The following EPHA8 variants were observed in gnomAD, a reference collection of about 807,000 sequenced individuals.
EPHA8 encodes EPH receptor A8, also known as ephrin type-A receptor 8.
Under a neutral mutation model 103.6 loss-of-function variants are expected in EPHA8, and 58 were observed. That is an observed-to-expected ratio of 0.56 (90% confidence interval 0.45 to 0.70). The LOEUF (loss-of-function observed/expected upper bound fraction) is 0.70, where lower values mean the gene tolerates loss of function less well. Ranked by LOEUF, EPHA8 falls within the 30% of genes least tolerant of loss-of-function variation. The pLI is 0.00. For missense variants in EPHA8, 1,304 were observed against 1,395.2 expected, an observed-to-expected ratio of 0.93 and a Z score of 1.04; for synonymous variants, 559 against 572.5, an observed-to-expected ratio of 0.98 and a Z score of 0.34.
intron 1 of EPHA8, among the ~76,000 whole-genome samples, chr1:22,564,968 GCACA>G (rs1399892649): frequency 2.0e-5 from 3 of 152,038 alleles, no homozygotes; most frequent in Non-Finnish European, 4.4e-5. Context: ...CTACACACAA[GCACA>G]CACACAGGCT....
rs760332050 is a variant in EPHA8 at position 22,600,710 on chromosome 1, G to T, written c.2438G>T (p.Arg813Leu). 1 of 1,613,624 alleles carries T rather than the reference G, an allele frequency of 6.2e-7. No individual in the cohort carries two copies. Among genetic ancestry groups the T allele is most frequent in the Middle Eastern group, 1.7e-4 (1 of 6,054 alleles). ...RWTAPEAIAFRTFSSASDVWS... is the reference protein window; with the variant it reads ...RWTAPEAIAFLTFSSASDVWS... ...ACGGCCCCAGAGGCCATCGCCTTCC[G>T]CACCTTCTCCTCGGCCAGCGACGTG... Residue 813 changes from arginine (R) to leucine (L), a missense_variant, in exon 14 of 17, where the codon CGC (arginine) becomes CTC (leucine). Physicochemically the swap from Arg to Leu is moderately radical, Grantham distance 102. Transcript: ENST00000166244.
intron 3 of EPHA8, among the ~76,000 whole-genome samples, chr1:22,579,407 A>C (rs1009115308): frequency 2.1e-5 from 3 of 139,614 alleles, no homozygotes; most frequent in Admixed American, 2.1e-4. Context: ...TGTGTTCATG[A>C]GTGTATGTAT....
chr1:22,563,959 G>A lies in EPHA8; in HGVS notation c.94+230G>A, dbSNP rs985123667. On this transcript the variant is annotated intron_variant, in intron 1 of 16. Transcript: ENST00000166244. The surrounding 1 kb of genome is among the most constrained non-coding windows in gnomAD (Gnocchi z 4.4). ...GACGGACAGGTACCGGGGACTGGGG[G>A]ACAGTGGGAAAGGACAGGAGACAGG... Among the ~76,000 whole-genome samples the A allele has an allele frequency of 4.6e-5, 7 of 152,044 alleles. No individual in the cohort carries two copies. The highest frequency in any genetic ancestry group is 1.7e-4 in the African/African-American group (7 of 41,432).
chr1:22,600,549 GTCCC>G, intron 13 of EPHA8, 108 bp from the exon 14 acceptor site: 5 of 1,414,762 alleles, frequency 3.5e-6, no homozygotes, highest in Non-Finnish European at 4.8e-6. Context: ...GGGCTGTGTT[GTCCC>G]TCTGGACTGG....
In EPHA8 at chr1:22,593,744, CG is replaced by C. The variant is rs557062611; in HGVS notation, c.1603+64del. On this transcript the variant is annotated intron_variant, in intron 7 of 16. Coordinates refer to ENST00000166244, the MANE Select transcript of EPHA8 (RefSeq NM_020526.5). ...AGCCCAGGTGCCAGGACCCTGGGGT[CG>C]GGGGGTGGCCGAGGAGAGAGCTAGT... is the stretch of plus-strand genomic sequence containing the variant. The C allele has an allele frequency of 5.7e-5, 83 of 1,466,316 alleles. No individual in the cohort carries two copies. The East Asian group carries it at 1.7e-3, about 30-fold the overall frequency. The allele number at this position is 1,466,316 out of a possible 1,614,324, so 90.8% of individuals were successfully genotyped here.
In EPHA8 at chr1:22,603,520, G is replaced by C. The variant is rs1365191220; in HGVS notation, c.*1779G>C. 6.6e-6 allele frequency: 1 copy of C among 152,290 alleles called. No individual in the cohort carries two copies. The highest frequency in any genetic ancestry group is 1.5e-5 in the Non-Finnish European group (1 of 68,020). 9.4% of individuals were successfully genotyped at this position (152,290 alleles called of 1,614,324 possible). Reference sequence around the variant, plus strand: ...GTGTGTGGTCCCTCTCAGGGTCCTGGGGATCTGCCTCTCTGTGGTCTCCAT... The same window carrying C: ...GTGTGTGGTCCCTCTCAGGGTCCTGCGGATCTGCCTCTCTGTGGTCTCCAT... On this transcript the variant is annotated 3_prime_UTR_variant, in exon 17 of 17. Transcript: ENST00000166244.
chr1:22,598,302 C>T lies in EPHA8; in HGVS notation c.2178+90C>T. 7.4e-7 allele frequency: 1 copy of T among 1,349,926 alleles called. No homozygotes were observed. The highest frequency in any genetic ancestry group is 1.0e-6 in the Non-Finnish European group (1 of 969,028). The allele number at this position is 1,349,926 out of a possible 1,614,324, so 83.6% of individuals were successfully genotyped here. A position where few individuals can be genotyped will look rare whatever the true frequency, so the allele number is the denominator to read the frequency against. On this transcript the variant is annotated intron_variant, in intron 12 of 16. Coordinates refer to ENST00000166244, the MANE Select transcript of EPHA8 (RefSeq NM_020526.5). This position sits in a 1 kb window ranked among gnomAD's most constrained non-coding sequence, Gnocchi z 5.1. Reference sequence around the variant, plus strand: ...GATAGTGCAAAGCCCTCTAAGCCCCCTCCCTGGCTTGGACACCACAGGCCG... The same window carrying T: ...GATAGTGCAAAGCCCTCTAAGCCCCTTCCCTGGCTTGGACACCACAGGCCG...
rs1208226682 is a variant in EPHA8, at chr1:22,600,900, C to T, written c.2541C>T (p.Val847=). 6.2e-7 allele frequency: 1 copy of T among 1,604,604 alleles called. No individual in the cohort carries two copies. Among genetic ancestry groups the T allele is most frequent in the African/African-American group, 1.3e-5 (1 of 74,794 alleles). ...AGCCCAGCGCTGATCCCCTGCAGGT[C>T]ATCAGCTCTGTGGAGGAGGGGTACC... ...RPYWNMTNRD[V]ISSVEEGYRL... is the part of the protein sequence containing the mutation. Residue 847 remains valine (V), a splice_region_variant and synonymous_variant, in exon 15 of 17, where the codon GTC becomes GTT. Coordinates refer to ENST00000166244, the MANE Select transcript of EPHA8 (RefSeq NM_020526.5).
intron 7 of EPHA8, among the ~76,000 whole-genome samples, chr1:22,594,721 G>A (rs116018186): frequency 1.3e-5 from 2 of 152,324 alleles, no homozygotes; most frequent in African/African-American, 4.8e-5. Flanking sequence ...ACCCCCTGGA[G>A]ACCACCCAGA....
chr1:22,601,653 T>A lies in EPHA8; in HGVS notation c.2930T>A (p.Leu977His), dbSNP rs1305930113. Reference protein sequence around the residue: ...AQDVRALGITLMGHQKKILGS... With the variant: ...AQDVRALGITHMGHQKKILGS... ...GACGTGCGCGCCCTGGGCATCACCCTCATGGGCCACCAGAAGAAGATCCTG... is the reference window on the plus strand; with the variant it reads ...GACGTGCGCGCCCTGGGCATCACCCACATGGGCCACCAGAAGAAGATCCTG... The change falls in exon 17 of 17, where the codon CTC becomes CAC. Residue 977 changes from leucine (L) to histidine (H), a missense_variant. Coordinates refer to ENST00000166244, the MANE Select transcript of EPHA8 (RefSeq NM_020526.5). 2 of 1,594,930 alleles carry A rather than the reference T, an allele frequency of 1.3e-6. No individual in the cohort carries two copies. Among genetic ancestry groups the A allele is most frequent in the South Asian group, 1.1e-5 (1 of 88,328 alleles).
Position 22,593,399 on chromosome 1 carries a change from C to A in EPHA8, c.1389C>A (p.Pro463=). ...GCGTCTCGCTGCTGTGGCAGGAGCC[C>A]GAGCAGCCGAACGGCATCATCCTGG... ...QTSVSLLWQE[P]EQPNGIILEY... is the part of the protein sequence containing the mutation. The change falls in exon 6 of 17, where the codon CCC becomes CCA. Residue 463 remains proline, a synonymous_variant. Transcript: ENST00000166244. 1 of 1,588,506 alleles carries A rather than the reference C, an allele frequency of 6.3e-7. No homozygotes were observed. The highest frequency in any genetic ancestry group is 2.3e-5 in the East Asian group (1 of 43,444).
intron 1 of EPHA8, among the ~76,000 whole-genome samples, chr1:22,565,849 A>G (rs544661849): frequency 8.5e-5 from 13 of 152,308 alleles, no homozygotes; most frequent in East Asian, 5.8e-4. Flanking sequence ...TCTCCGATCA[A>G]TGCAGCAGGG....
Position 22,601,698 on chromosome 1 carries a change from G to T in EPHA8, c.2975G>T (p.Arg992Leu). The T allele has an allele frequency of 6.3e-7, 1 of 1,581,184 alleles. No homozygotes were observed. Among genetic ancestry groups the T allele is most frequent in the Non-Finnish European group, 8.6e-7 (1 of 1,163,548 alleles). ...KKILGSIQTM[R>L]AQLTSTQGPR... ...ATCCTGGGCAGCATTCAGACCATGC[G>T]GGCCCAGCTGACCAGCACCCAGGGG... The change falls in exon 17 of 17, where the codon CGG becomes CTG. Residue 992 changes from arginine (R) to leucine (L), a missense_variant. Transcript: ENST00000166244.
At chr1:22,578,205 AGT>A (rs1417866663) in intron 3 of EPHA8, among the ~76,000 whole-genome samples, 347 of 27,952 alleles carry the variant, frequency 0.012, 4 homozygotes, top group African/African-American at 0.039. Context: ...TGTGCGTGCG[AGT>A]GTGTGCGTGT....
At chr1:22,588,760 C>T in intron 4 of EPHA8, 111 bp from the exon 5 acceptor site, 2 of 1,493,540 alleles carry the variant, frequency 1.3e-6, no homozygotes, top group Non-Finnish European at 8.9e-7. Context: ...CCTTAAGGAG[C>T]CCTAAATATG....
intron 3 of EPHA8, among the ~76,000 whole-genome samples, chr1:22,585,060 T>C (rs1483058717): frequency 3.4e-5 from 4 of 118,608 alleles, no homozygotes; most frequent in Admixed American, 7.7e-5. Context: ...TGCGCACGCG[T>C]GTGTCTAGAG....
chr1:22,595,137 G>A, intron 7 of EPHA8, 93 bp from the exon 8 acceptor site: 15 of 1,077,050 alleles, frequency 1.4e-5, no homozygotes, highest in Non-Finnish European at 2.0e-5. Context: ...TGGCCCCAGG[G>A]TCACAGCCAG....
At chr1:22,570,330 G>A (rs755818719) in intron 2 of EPHA8, among the ~76,000 whole-genome samples, 22 of 146,656 alleles carry the variant, frequency 1.5e-4, no homozygotes, top group Non-Finnish European at 2.1e-4. Context: ...ATGCACACAC[G>A]CACATGCACA....
Position 22,598,888 on chromosome 1 carries a change from A to T in EPHA8, c.2229A>T (p.Gly743=). The T allele has an allele frequency of 6.2e-7, 1 of 1,612,504 alleles. No homozygotes were observed. Among genetic ancestry groups the T allele is most frequent in the Non-Finnish European group, 8.5e-7 (1 of 1,179,800 alleles). The change falls in exon 13 of 17, where the codon GGA becomes GGT. Residue 743 remains glycine, a synonymous_variant. Transcript: ENST00000166244. The surrounding 1 kb of genome is among the most constrained non-coding windows in gnomAD (Gnocchi z 5.1). ...TGCAGCTGGTGGGCATGCTGAGAGG[A>T]GTGGGTGCCGGCATGCGCTACCTCT... ...TIMQLVGMLR[G]VGAGMRYLSD...
Sources: allele counts gnomAD v4.1 joint callset (sites outside exome capture counted in the v4.1 genomes callset), GRCh38; gene constraint gnomAD v4.1.1; non-coding constraint Gnocchi (gnomAD v3.1); transcripts MANE v1.5; gene names NCBI Gene and HGNC (gene_info 2026-07-23, HGNC 2026-07-21).